The following SLC2A13 variants were observed in gnomAD, a reference collection of about 807,000 sequenced individuals.
The protein encoded by SLC2A13 is proton myo-inositol cotransporter.
In SLC2A13, 32 loss-of-function variants were observed where a neutral mutation model predicts 64.4. That is an observed-to-expected ratio of 0.50 (90% CI 0.37 to 0.67). The LOEUF (loss-of-function observed/expected upper bound fraction) is 0.67, where lower values mean the gene tolerates loss of function less well. SLC2A13 is among the 30% of genes least tolerant of loss of function. SLC2A13 has a pLI of 0.00. For synonymous variants in SLC2A13, 338 were observed against 327.1 expected (o/e 1.03, Z -0.36); for missense variants, 743 against 829.2 (o/e 0.90, Z 1.28).
chr12:39,962,500 A>G (rs1565564016), intron 3 of SLC2A13, among the ~76,000 whole-genome samples: 1 of 152,130 alleles, frequency 6.6e-6, no homozygotes. Context: ...ACTCACAGTC[A>G]CCCATTTATG....
chr12:39,934,277 C>G (rs1945881652), intron 4 of SLC2A13, among the ~76,000 whole-genome samples: 1 of 152,226 alleles, frequency 6.6e-6, no homozygotes, highest in Non-Finnish European at 1.5e-5. Flanking sequence ...ACCAGAGCCA[C>G]TCTAATTGTC....
intron 4 of SLC2A13, among the ~76,000 whole-genome samples, chr12:39,880,151 C>A (rs117625008): frequency 6.6e-6 from 1 of 152,320 alleles, no homozygotes; most frequent in Non-Finnish European, 1.5e-5. Context: ...AGAAGCTGGG[C>A]AGATGCCAGC....
chr12:39,986,589 C>T (rs977908742), intron 3 of SLC2A13, among the ~76,000 whole-genome samples: 3 of 151,594 alleles, frequency 2.0e-5, no homozygotes, highest in Non-Finnish European at 2.9e-5. Flanking sequence ...CATAAAATTA[C>T]GGTGACTGAT....
intron 3 of SLC2A13, among the ~76,000 whole-genome samples, chr12:39,973,604 C>A (rs1216682126): frequency 1.3e-5 from 2 of 152,312 alleles, no homozygotes; most frequent in Middle Eastern, 3.4e-3. Context: ...CTAGCCAAGA[C>A]AATACTCTTG....
intron 3 of SLC2A13, among the ~76,000 whole-genome samples, chr12:39,963,001 C>A (rs1946441432): frequency 6.6e-6 from 1 of 152,144 alleles, no homozygotes; most frequent in African/African-American, 2.4e-5. Context: ...CAAAGTTTTA[C>A]ATTAAAAATA....
chr12:40,064,272 G>A (rs2136257656), intron 1 of SLC2A13, among the ~76,000 whole-genome samples: 1 of 151,922 alleles, frequency 6.6e-6, no homozygotes, highest in African/African-American at 2.4e-5. Flanking sequence ...TATATTATGT[G>A]TATTGTGTAT....
At chr12:39,854,136 G>A (rs1196681389) in intron 6 of SLC2A13, among the ~76,000 whole-genome samples, 1 of 151,910 alleles carries the variant, frequency 6.6e-6, no homozygotes, top group Non-Finnish European at 1.5e-5. Flanking sequence ...CTTGACTAAG[G>A]GAGGCAGGTG....
intron 1 of SLC2A13, among the ~76,000 whole-genome samples, chr12:40,078,859 G>A (rs1938282697): frequency 6.6e-6 from 1 of 152,066 alleles, no homozygotes; most frequent in Admixed American, 6.6e-5. Context: ...GTTCAATCTT[G>A]AGAGGTTTTA....
chr12:40,008,423 T>C (rs1299690654), intron 3 of SLC2A13, among the ~76,000 whole-genome samples: 1 of 152,036 alleles, frequency 6.6e-6, no homozygotes, highest in African/African-American at 2.4e-5. Context: ...CTGGCTAACA[T>C]GATGAAACCC....
In SLC2A13 at chr12:39,976,175, T is replaced by C. The variant is rs868221818; in HGVS notation, c.926-24810A>G. ...CAGCATTACAGCAAGTTCAAGGACA[T>C]AGCTGCCCCCATAAACAACACCCAA... On this transcript the variant is annotated intron_variant, in intron 3 of 9. Transcript: ENST00000280871. 2.6e-5 allele frequency among the ~76,000 whole-genome samples: 4 copies of C among 152,202 alleles called. No individual in the cohort carries two copies. In the South Asian group the frequency reaches 8.3e-4, roughly 32 times the overall value.
At chr12:39,955,454 T>C (rs1946299402) in intron 3 of SLC2A13, among the ~76,000 whole-genome samples, 1 of 151,538 alleles carries the variant, frequency 6.6e-6, no homozygotes, top group Non-Finnish European at 1.5e-5. Flanking sequence ...TTACTAAAGA[T>C]CAAAATGGAA....
At chr12:39,834,172 T>A (rs1321468964) in intron 6 of SLC2A13, among the ~76,000 whole-genome samples, 2 of 152,112 alleles carry the variant, frequency 1.3e-5, no homozygotes. Context: ...ACATTTGTTA[T>A]GCTTTTCTCT....
At chr12:39,870,790 G>T (rs1028328087) in intron 5 of SLC2A13, among the ~76,000 whole-genome samples, 14 of 152,190 alleles carry the variant, frequency 9.2e-5, no homozygotes, top group Admixed American at 9.2e-4. Context: ...GCAAGAACAG[G>T]AGGTGAAAGC....
intron 1 of SLC2A13, among the ~76,000 whole-genome samples, chr12:40,053,569 T>C (rs1399291844): frequency 6.6e-6 from 1 of 152,146 alleles, no homozygotes; most frequent in African/African-American, 2.4e-5. Flanking sequence ...CATAAACTTC[T>C]AGGGGCAAAA....
At chr12:39,892,534 G>C (rs916794128) in intron 4 of SLC2A13, among the ~76,000 whole-genome samples, 12 of 152,226 alleles carry the variant, frequency 7.9e-5, no homozygotes, top group African/African-American at 2.9e-4. Context: ...TTAAACTACT[G>C]TAATCTTAAT....
intron 4 of SLC2A13, among the ~76,000 whole-genome samples, chr12:39,900,108 GAGGCAGAAA>G (rs1945044166): frequency 1.3e-5 from 2 of 152,066 alleles, no homozygotes; most frequent in African/African-American, 4.8e-5. Context: ...TATCTCAATA[GAGGCAGAAA>G]AGGCCTTTGA....
At chr12:39,777,825 C>T (rs1940830179) in intron 7 of SLC2A13, among the ~76,000 whole-genome samples, 1 of 152,168 alleles carries the variant, frequency 6.6e-6, no homozygotes, top group East Asian at 1.9e-4. Context: ...AAAACCTGCT[C>T]AATAAAACCT....
intron 7 of SLC2A13, among the ~76,000 whole-genome samples, chr12:39,802,590 T>A (rs1366942184): frequency 6.6e-6 from 1 of 152,216 alleles, no homozygotes; most frequent in Non-Finnish European, 1.5e-5. Flanking sequence ...AGAAAACTTG[T>A]ATGTTTCTGT....
At chr12:40,025,974 G>A (rs1387644346) in intron 3 of SLC2A13, among the ~76,000 whole-genome samples, 3 of 152,128 alleles carry the variant, frequency 2.0e-5, no homozygotes. Context: ...TCTTGCTCCT[G>A]GACATTACAA....
Sources: allele counts gnomAD v4.1 joint callset (sites outside exome capture counted in the v4.1 genomes callset), GRCh38; gene constraint gnomAD v4.1.1; transcripts MANE v1.5; gene names NCBI Gene and HGNC (gene_info 2026-07-23, HGNC 2026-07-21).